Variants in ARFIP1 observed in about 807,000 individuals in gnomAD.
ARFIP1 encodes ARF interacting protein 1, also known as arfaptin-1.
A neutral mutation model predicts 42.5 loss-of-function variants in ARFIP1; 24 were observed. That is an observed-to-expected ratio of 0.57 (90% CI 0.41 to 0.80). The LOEUF is 0.80. Ranked by LOEUF, ARFIP1 falls within the 30% of genes least tolerant of loss-of-function variation. The pLI is 0.00. For synonymous variants in ARFIP1, 141 were observed against 153.7 expected, an observed-to-expected ratio of 0.92 and a Z score of 0.61; for missense variants, 354 against 434.0, an observed-to-expected ratio of 0.82 and a Z score of 1.64.
intron 1 of ARFIP1, among the ~76,000 whole-genome samples, chr4:152,811,843 G>T (rs759045832): frequency 2.6e-5 from 4 of 152,106 alleles, no homozygotes; most frequent in African/African-American, 4.8e-5. Context: ...TTGGTTTGGG[G>T]CCTTATTCTG....
intron 5 of ARFIP1, among the ~76,000 whole-genome samples, chr4:152,879,072 T>A (rs2149890078): frequency 6.6e-6 from 1 of 152,346 alleles, no homozygotes; most frequent in African/African-American, 2.4e-5. Flanking sequence ...TAGGAGTGTT[T>A]GTACGTTTTC....
At chr4:152,795,855 T>G (rs10011732) in intron 1 of ARFIP1, among the ~76,000 whole-genome samples, 1 of 125,420 alleles carries the variant, frequency 8.0e-6, no homozygotes, top group African/African-American at 3.2e-5. Flanking sequence ...TTTTTTTTGG[T>G]GAATTGACTG....
chr4:152,894,944 C>A (rs1737185874), intron 8 of ARFIP1, among the ~76,000 whole-genome samples: 1 of 152,244 alleles, frequency 6.6e-6, no homozygotes, highest in African/African-American at 2.4e-5. Flanking sequence ...GGAAGAAATA[C>A]CAGCATGTGC....
chr4:152,872,294 C>T (rs949657468), intron 4 of ARFIP1, among the ~76,000 whole-genome samples, 158 bp from the exon 5 acceptor site: 4 of 151,972 alleles, frequency 2.6e-5, no homozygotes, highest in Non-Finnish European at 2.9e-5. Flanking sequence ...GGAAACTATC[C>T]TCAGCGATTC....
intron 8 of ARFIP1, 148 bp from the exon 9 acceptor site, chr4:152,909,916 A>T: frequency 2.0e-6 from 2 of 996,934 alleles, no homozygotes; most frequent in Non-Finnish European, 2.9e-6. Context: ...GGCAGTGTAC[A>T]CTTGGTATGT....
At chr4:152,857,122 C>G (rs942705048) in intron 2 of ARFIP1, among the ~76,000 whole-genome samples, 1 of 152,130 alleles carries the variant, frequency 6.6e-6, no homozygotes, top group Non-Finnish European at 1.5e-5. Flanking sequence ...TTTTGACTCT[C>G]TAAGTGTTCT....
intron 8 of ARFIP1, among the ~76,000 whole-genome samples, chr4:152,905,358 C>T (rs1190249877): frequency 1.3e-5 from 2 of 151,952 alleles, no homozygotes; most frequent in Non-Finnish European, 2.9e-5. Context: ...GGAGTATGGT[C>T]AAGGTTTTTT....
intron 6 of ARFIP1, among the ~76,000 whole-genome samples, chr4:152,881,969 A>C (rs1486698362): frequency 6.6e-6 from 1 of 152,184 alleles, no homozygotes; most frequent in African/African-American, 2.4e-5. Context: ...ATCAAATTAA[A>C]TGATACATCT....
At chr4:152,904,733 C>A (rs902490382) in intron 8 of ARFIP1, among the ~76,000 whole-genome samples, 2 of 152,070 alleles carry the variant, frequency 1.3e-5, no homozygotes, top group African/African-American at 4.8e-5. Context: ...GATCCTGTTC[C>A]TTTTTATGGC....
At chr4:152,872,275 A>G (rs1417735460) in intron 4 of ARFIP1, among the ~76,000 whole-genome samples, 177 bp from the exon 5 acceptor site, 1 of 152,172 alleles carries the variant, frequency 6.6e-6, no homozygotes, top group Non-Finnish European at 1.5e-5. Flanking sequence ...AGTGTTGTTT[A>G]AGTAATTAGG....
Position 152,861,364 on chromosome 4 carries a change from G to A in ARFIP1, c.94-2242G>A, listed in dbSNP as rs187469280. 2.1e-3 allele frequency among the ~76,000 whole-genome samples: 317 copies of A among 152,254 alleles called. 6 individuals are homozygous for A. Among genetic ancestry groups the A allele is most frequent in the Non-Finnish European group, 6.3e-4 (43 of 68,018 alleles). ...CATTTGCAGCATATACCTTTTCTCA[G>A]AAGTATAGAGATGATGAACCAAGTT... On this transcript the variant is annotated intron_variant, in intron 2 of 8. Coordinates refer to ENST00000353617, the MANE Select transcript of ARFIP1 (RefSeq NM_001025595.3).
chr4:152,836,492 T>C (rs953120517), intron 2 of ARFIP1, among the ~76,000 whole-genome samples: 1 of 152,192 alleles, frequency 6.6e-6, no homozygotes, highest in African/African-American at 2.4e-5. Context: ...CAGATGATTG[T>C]ATATGTGTGG....
At chr4:152,808,026 GCCGGAGTGCAGTGGCACGA>G (rs1729120227) in intron 1 of ARFIP1, among the ~76,000 whole-genome samples, 1 of 151,966 alleles carries the variant, frequency 6.6e-6, no homozygotes, top group Admixed American at 6.6e-5. Context: ...TGTTGCCCAG[GCCGGAGTGCAGTGGCACGA>G]TCTTGGCTCA....
chr4:152,845,101 C>T (rs1321461048), intron 2 of ARFIP1, among the ~76,000 whole-genome samples: 5 of 151,970 alleles, frequency 3.3e-5, no homozygotes, highest in Non-Finnish European at 7.4e-5. Flanking sequence ...CAAAAATAAG[C>T]AATGAGGAAA....
chr4:152,790,655 T>G (rs1340624625), intron 1 of ARFIP1, among the ~76,000 whole-genome samples: 4 of 152,154 alleles, frequency 2.6e-5, no homozygotes, highest in African/African-American at 7.2e-5. Flanking sequence ...TGTTTCTTAT[T>G]ATGCATATAA....
At chr4:152,829,536 A>C in intron 1 of ARFIP1, 89 bp from the exon 2 acceptor site, 1 of 739,274 alleles carries the variant, frequency 1.4e-6, no homozygotes, top group Non-Finnish European at 2.1e-6. Context: ...AAAAAATATT[A>C]AAACGGTGGC....
chr4:152,791,922 AAAT>A (rs748947501), intron 1 of ARFIP1, among the ~76,000 whole-genome samples: 7 of 152,210 alleles, frequency 4.6e-5, no homozygotes, highest in Non-Finnish European at 8.8e-5. Flanking sequence ...GAAGCATTAA[AAAT>A]AACTTGCAAA....
At chr4:152,817,215 G>C (rs77161804) in intron 1 of ARFIP1, among the ~76,000 whole-genome samples, 2,405 of 152,262 alleles carry the variant, frequency 0.016, 59 homozygotes, top group African/African-American at 0.055. Context: ...CCTAATTAGA[G>C]TCCAAATACT....
At position 152,881,067 on chromosome 4, in the gene ARFIP1, T is replaced by G; in HGVS notation, c.516T>G (p.Tyr172Ter). ...IDILRDNKKK[Y>*]ENILKLAQTL... ...TATTAAGGGATAACAAGAAAAAATA[T>G]GAAAATATTTTAAAACTGGCTCAAA... Residue 172 changes from tyrosine to a stop codon, truncating the protein, a stop_gained, in exon 6 of 9, where the codon TAT (tyrosine) becomes TAG (stop). Transcript: ENST00000353617. LOFTEE classifies it high-confidence loss of function. The G allele has an allele frequency of 6.2e-7, 1 of 1,613,784 alleles. No individual in the cohort carries two copies. The highest frequency in any genetic ancestry group is 8.5e-7 in the Non-Finnish European group (1 of 1,179,752).
Sources: gnomAD v4.1 joint callset for allele counts (sites outside exome capture counted in the v4.1 genomes callset) on GRCh38, gnomAD v4.1.1 for gene constraint, MANE v1.5 for transcripts, NCBI Gene and HGNC (gene_info 2026-07-23, HGNC 2026-07-21) for gene names.